The following ASNS variants were observed in gnomAD, a reference collection of about 807,000 sequenced individuals.
The protein encoded by ASNS is asparagine synthetase (glutamine-hydrolyzing), also known as asparagine synthetase [glutamine-hydrolyzing].
ASNS carries 37 observed loss-of-function variants against 62.6 expected under a neutral mutation model. The observed-to-expected ratio is 0.59, with a 90% CI of 0.45 to 0.78. ASNS has a LOEUF of 0.78. Among genes scored for constraint, ASNS ranks in the 30% least tolerant of loss-of-function variants. The probability of loss-of-function intolerance (pLI) is 0.00; values close to 1 mark genes in which losing one functional copy is unlikely to be tolerated. For missense variants in ASNS, 520 were observed against 682.4 expected, an observed-to-expected ratio of 0.76 and a Z score of 2.65; for synonymous variants, 207 against 237.9, an observed-to-expected ratio of 0.87 and a Z score of 1.19.
At chr7:97,914,631 ACC>A in the ASNS span, among the ~76,000 whole-genome samples, 1 of 152,056 alleles carries the variant, frequency 6.6e-6, no homozygotes, top group Non-Finnish European at 1.5e-5. Flanking sequence ...CTTGCAGTTC[ACC>A]CCAAAAGGCT....
chr7:97,866,942 C>T (rs1435824871), intron 3 of ASNS, among the ~76,000 whole-genome samples: 2 of 152,186 alleles, frequency 1.3e-5, no homozygotes, highest in Non-Finnish European at 2.9e-5. Flanking sequence ...ATAAAGCATT[C>T]GGTGATATTA....
the ASNS span, among the ~76,000 whole-genome samples, chr7:97,900,379 A>AAC: frequency 1.3e-3 from 193 of 150,162 alleles, 7 homozygotes; most frequent in Middle Eastern, 0.024. Context: ...AAAAAAAAAA[A>AAC]AAAAACAGAA....
At chr7:97,900,384 A>C in the ASNS span, among the ~76,000 whole-genome samples, 1 of 149,430 alleles carries the variant, frequency 6.7e-6, no homozygotes. Context: ...AAAAAAAAAA[A>C]CAGAAAATAA....
At chr7:97,856,117 A>G (rs962921915) in intron 8 of ASNS, among the ~76,000 whole-genome samples, 74 of 152,306 alleles carry the variant, frequency 4.9e-4, no homozygotes, top group African/African-American at 1.7e-3. Flanking sequence ...GCCATAAACC[A>G]TTGTAATACC....
chr7:97,906,358 C>A, the ASNS span: 12 of 355,162 alleles, frequency 3.4e-5, no homozygotes, highest in South Asian at 2.4e-4. Context: ...ACTTCAGACT[C>A]AGCCTAGAAG....
chr7:97,890,205 C>G, the ASNS span, among the ~76,000 whole-genome samples: 11 of 152,032 alleles, frequency 7.2e-5, no homozygotes, highest in East Asian at 1.9e-3. Flanking sequence ...ATATGGGACA[C>G]ATATGTCACC....
chr7:97,896,737 C>CTAT, the ASNS span, among the ~76,000 whole-genome samples: 1 of 30,518 alleles, frequency 3.3e-5, no homozygotes, highest in South Asian at 1.4e-3. Flanking sequence ...CACACACACA[C>CTAT]ACACATATAT....
the ASNS span, among the ~76,000 whole-genome samples, chr7:97,896,718 A>T: frequency 1.1e-4 from 4 of 37,538 alleles, no homozygotes; most frequent in Admixed American, 3.5e-4. Flanking sequence ...ATATACACAC[A>T]CACACACACA....
chr7:97,873,695 T>G (rs971579699), upstream of ASNS, among the ~76,000 whole-genome samples: 1 of 152,176 alleles, frequency 6.6e-6, no homozygotes, highest in Non-Finnish European at 1.5e-5. Flanking sequence ...AGTAGAGAAC[T>G]GAGTCATAAT....
At chr7:97,920,011 C>CT in the ASNS span, among the ~76,000 whole-genome samples, 1,313 of 143,168 alleles carry the variant, frequency 9.2e-3, 18 homozygotes, top group South Asian at 0.031. Context: ...CTTGTCCTGA[C>CT]TTTTTTTTTT....
the ASNS span, among the ~76,000 whole-genome samples, chr7:97,886,494 G>A: frequency 6.6e-6 from 1 of 152,110 alleles, no homozygotes; most frequent in African/African-American, 2.4e-5. Flanking sequence ...AGATCATGCT[G>A]CTGTGATATC....
At chr7:97,866,665 A>G (rs1791988087) in intron 3 of ASNS, among the ~76,000 whole-genome samples, 1 of 152,226 alleles carries the variant, frequency 6.6e-6, no homozygotes, top group Non-Finnish European at 1.5e-5. Flanking sequence ...CATGCTTTCA[A>G]ATTTCAAAAA....
chr7:97,872,692 C>T (rs922629215), upstream of ASNS: 2 of 152,294 alleles, frequency 1.3e-5, no homozygotes, highest in Non-Finnish European at 2.9e-5. Context: ...GTTTGTTCTT[C>T]GGGAAATCAT....
At chr7:97,866,589 G>A (rs1233270321) in intron 3 of ASNS, among the ~76,000 whole-genome samples, 2 of 152,098 alleles carry the variant, frequency 1.3e-5, no homozygotes, top group Admixed American at 6.5e-5. Context: ...TTTGTACTCG[G>A]GTTTTTGGCT....
At chr7:97,872,663 A>T (rs1792344121), upstream of ASNS, 1 of 152,322 alleles carries the variant, frequency 6.6e-6, no homozygotes, top group African/African-American at 2.4e-5. Context: ...TCTGACAATT[A>T]GGGAGGCTTC....
At position 97,853,225 on chromosome 7, in the gene ASNS, C is replaced by CA. The variant is rs745362666; in HGVS notation, c.1321-11dup. Reference sequence around the variant, plus strand: ...GTTTTTCTATCCCATTCTGACGTGACAAAAAAAGGAGCATCAGGTAAAAAT... The same window carrying CA: ...GTTTTTCTATCCCATTCTGACGTGACAAAAAAAAGGAGCATCAGGTAAAAAT... On this transcript the variant is annotated splice_polypyrimidine_tract_variant and intron_variant, in intron 11 of 12. Coordinates refer to ENST00000394308, the MANE Select transcript of ASNS (RefSeq NM_001673.5). The CA allele has an allele frequency of 1.9e-6, 3 of 1,602,770 alleles. No homozygotes were observed. The highest frequency in any genetic ancestry group is 2.2e-5 in the East Asian group (1 of 44,648).
chr7:97,861,023 C>CTTTTTTTTT (rs71108240), intron 4 of ASNS, among the ~76,000 whole-genome samples: 3 of 120,688 alleles, frequency 2.5e-5, no homozygotes, highest in African/African-American at 3.3e-5. Flanking sequence ...TCATTTGATC[C>CTTTTTTTTT]TTTTTTTTTT....
the ASNS span, among the ~76,000 whole-genome samples, chr7:97,925,379 T>C: frequency 6.6e-6 from 1 of 152,138 alleles, no homozygotes; most frequent in Non-Finnish European, 1.5e-5. Context: ...TGTAGACCAA[T>C]GGCTCTCAAC....
At chr7:97,868,623 ATGTT>A (rs1464623355) in intron 3 of ASNS, among the ~76,000 whole-genome samples, 1 of 151,936 alleles carries the variant, frequency 6.6e-6, no homozygotes, top group Non-Finnish European at 1.5e-5. Context: ...TCTTTACTGT[ATGTT>A]AGGAATTTTT....
Sources: allele counts gnomAD v4.1 joint callset (sites outside exome capture counted in the v4.1 genomes callset), GRCh38; gene constraint gnomAD v4.1.1; transcripts MANE v1.5; gene names NCBI Gene and HGNC (gene_info 2026-07-23, HGNC 2026-07-21).